MAGI1: variants seen among roughly 807,000 people sequenced by gnomAD.
MAGI1 encodes the protein membrane-associated guanylate kinase, WW and PDZ domain-containing protein 1.
A neutral mutation model predicts 139.9 loss-of-function variants in MAGI1; 58 were observed. That is an observed-to-expected ratio of 0.41 (90% CI 0.34 to 0.52). MAGI1 has a LOEUF of 0.52. Among genes scored for constraint, MAGI1 ranks in the 20% least tolerant of loss-of-function variants. MAGI1 has a pLI of 0.12. For missense variants in MAGI1, 1,874 were observed against 1,901.6 expected (o/e 0.99, Z 0.27); for synonymous variants, 812 against 737.9 (o/e 1.10, Z -1.63).
At chr3:65,620,220 T>C (rs1056977517) in intron 2 of MAGI1, among the ~76,000 whole-genome samples, 2 of 152,182 alleles carry the variant, frequency 1.3e-5, no homozygotes, top group Admixed American at 1.3e-4. Context: ...ATCATGATTC[T>C]GCAATTACTG....
chr3:65,530,736 TATATGC>T (rs1399425118), intron 2 of MAGI1, among the ~76,000 whole-genome samples: 14 of 104,750 alleles, frequency 1.3e-4, no homozygotes, highest in African/African-American at 4.9e-4. Flanking sequence ...CACGTATATA[TATATGC>T]ACATATATAT....
chr3:65,512,431 A>G (rs1346345697), intron 2 of MAGI1, among the ~76,000 whole-genome samples: 2 of 143,892 alleles, frequency 1.4e-5, no homozygotes, highest in East Asian at 4.1e-4. Flanking sequence ...AGAAAAAAAG[A>G]GAGAAGAATC....
At chr3:65,405,631 G>C (rs984034934) in intron 12 of MAGI1, among the ~76,000 whole-genome samples, 2 of 151,176 alleles carry the variant, frequency 1.3e-5, no homozygotes, top group Admixed American at 6.6e-5. Context: ...GTCTCCTTCT[G>C]TTGCCCAGGC....
chr3:65,971,621 T>C (rs1171456579), intron 1 of MAGI1, among the ~76,000 whole-genome samples: 2 of 152,172 alleles, frequency 1.3e-5, no homozygotes, highest in South Asian at 2.1e-4. Context: ...GAAAACAAAC[T>C]GTGAACAACC....
intron 1 of MAGI1, among the ~76,000 whole-genome samples, chr3:65,834,084 T>G (rs2042674156): frequency 6.6e-6 from 1 of 152,250 alleles, no homozygotes; most frequent in South Asian, 2.1e-4. Context: ...GCTGAAATTC[T>G]TATGCCTAAC....
intron 1 of MAGI1, among the ~76,000 whole-genome samples, chr3:65,779,928 AT>A (rs763907342): frequency 4.0e-5 from 6 of 151,808 alleles, no homozygotes; most frequent in Non-Finnish European, 7.4e-5. Flanking sequence ...AGAAAAAAAA[AT>A]GACACTTGTA....
At position 65,440,023 on chromosome 3, in the gene MAGI1, T is replaced by C. The variant is rs975689247; in HGVS notation, c.1137-11A>G. 1.9e-5 allele frequency: 31 copies of C among 1,613,848 alleles called. No individual in the cohort carries two copies. Among genetic ancestry groups the C allele is most frequent in the Non-Finnish European group, 2.4e-5 (28 of 1,179,928 alleles). ...TTCCTGTTGATGTGGCTGGGGAAGA[T>C]AGCAAATAGTATTCAGCTTGAAACA... On this transcript the variant is annotated splice_polypyrimidine_tract_variant and intron_variant, in intron 8 of 22. Coordinates refer to ENST00000402939, the MANE Select transcript of MAGI1 (RefSeq NM_001033057.2).
intron 2 of MAGI1, among the ~76,000 whole-genome samples, chr3:65,583,348 C>T (rs951906375): frequency 6.6e-6 from 1 of 152,128 alleles, no homozygotes; most frequent in Non-Finnish European, 1.5e-5. Flanking sequence ...CCAAAACATG[C>T]GTCTTGCAAG....
chr3:65,774,044 C>T (rs1194179101), intron 1 of MAGI1, among the ~76,000 whole-genome samples: 2 of 151,310 alleles, frequency 1.3e-5, no homozygotes, highest in Non-Finnish European at 2.9e-5. Flanking sequence ...TAATGCTAAC[C>T]ATCCCAGTAA....
intron 1 of MAGI1, among the ~76,000 whole-genome samples, chr3:65,855,601 G>A (rs1449527155): frequency 9.8e-6 from 1 of 102,478 alleles, no homozygotes; most frequent in African/African-American, 4.2e-5. Context: ...GACCTTGGAG[G>A]AGACGGGAGA....
intron 2 of MAGI1, among the ~76,000 whole-genome samples, chr3:65,570,108 T>C (rs1305450360): frequency 3.4e-5 from 5 of 147,424 alleles, no homozygotes; most frequent in Non-Finnish European, 7.5e-5. Context: ...ATTATTATTA[T>C]TATTATTATT....
chr3:65,356,529 C>T lies in MAGI1; in HGVS notation c.4238G>A (p.Arg1413Gln), dbSNP rs772629631. The change falls in exon 23 of 23, where the codon CGG becomes CAG. Residue 1413 changes from arginine to glutamine, a missense_variant. Arg to Gln is a conservative substitution (Grantham distance 43). Around this residue, in one of 5 missense-constraint regions of MAGI1, gnomAD observed 653 missense variants for 644.5 expected, o/e 1.01. Transcript: ENST00000402939. ...CTCTCTGTTCCTTTTGTCCAGGGAC[C>T]GCTCTCTCCTGCGCTCGGGGGAGCG... ...RARSPERRRE[R>Q]SLDKRNREDR... 6.2e-7 allele frequency: 1 copy of T among 1,610,638 alleles called. No individual in the cohort carries two copies. Among genetic ancestry groups the T allele is most frequent in the Non-Finnish European group, 8.5e-7 (1 of 1,179,916 alleles).
chr3:65,741,467 C>T (rs759655392), intron 1 of MAGI1, among the ~76,000 whole-genome samples: 6 of 152,182 alleles, frequency 3.9e-5, no homozygotes, highest in Non-Finnish European at 7.3e-5. Context: ...AGCCGCCACG[C>T]CTGGCCTATT....
intron 12 of MAGI1, among the ~76,000 whole-genome samples, chr3:65,408,232 G>A (rs374625970): frequency 5.8e-4 from 89 of 152,254 alleles, no homozygotes; most frequent in South Asian, 2.9e-3. Context: ...TTCAGTAAGA[G>A]CAGCATATAA....
chr3:65,717,451 T>G (rs1216762174), intron 1 of MAGI1: 1 of 152,190 alleles, frequency 6.6e-6, no homozygotes, highest in Non-Finnish European at 1.5e-5. Flanking sequence ...TACACTTTAG[T>G]TACATACTAG....
chr3:66,016,892 C>T (rs1265980633), intron 1 of MAGI1, among the ~76,000 whole-genome samples: 1 of 152,120 alleles, frequency 6.6e-6, no homozygotes, highest in Admixed American at 6.5e-5. Flanking sequence ...AAGCCAGTCG[C>T]AAAAGGGTAA....
chr3:65,657,793 C>T (rs1481810171), intron 1 of MAGI1, among the ~76,000 whole-genome samples: 1 of 152,092 alleles, frequency 6.6e-6, no homozygotes, highest in Non-Finnish European at 1.5e-5. Flanking sequence ...TGCATGATGA[C>T]CCCCAGTGAA....
At chr3:65,603,493 G>A (rs1035318869) in intron 2 of MAGI1, among the ~76,000 whole-genome samples, 1 of 152,196 alleles carries the variant, frequency 6.6e-6, no homozygotes, top group Non-Finnish European at 1.5e-5. Context: ...TTGGAAACAT[G>A]CATTAAATTT....
chr3:65,424,121 G>A (rs946470508), intron 12 of MAGI1, among the ~76,000 whole-genome samples: 1 of 152,166 alleles, frequency 6.6e-6, no homozygotes, highest in Non-Finnish European at 1.5e-5. Flanking sequence ...GTGTGTGCAT[G>A]AATGTATGTA....
Sources: allele counts gnomAD v4.1 joint callset (sites outside exome capture counted in the v4.1 genomes callset), GRCh38; gene constraint gnomAD v4.1.1; regional missense constraint gnomAD v4.1.1; transcripts MANE v1.5; gene names NCBI Gene and HGNC (gene_info 2026-07-23, HGNC 2026-07-21).